The following TCF4 variants were observed in gnomAD, a reference collection of about 807,000 sequenced individuals.
TCF4 encodes the protein SL3-3 enhancer factor 2.
TCF4 carries 3 observed loss-of-function variants against 82.1 expected under a neutral mutation model. That is an observed-to-expected ratio of 0.04 (90% CI 0.02 to 0.09). The LOEUF (loss-of-function observed/expected upper bound fraction) is 0.09, where lower values mean the gene tolerates loss of function less well. TCF4 is among the 10% of genes least tolerant of loss of function. The pLI is 1.00. For missense variants in TCF4, 518 were observed against 852.7 expected (o/e 0.61, Z 4.89); for synonymous variants, 276 against 309.6 (o/e 0.89, Z 1.14).
intron 5 of TCF4, chr18:55,423,423 GCGCGCACACA>G (rs1232701136): frequency 3.2e-5 from 4 of 125,540 alleles, no homozygotes; most frequent in African/African-American, 1.4e-4. Flanking sequence ...GCACACGCGC[GCGCGCACACA>G]CACACACACA....
chr18:55,625,677 TA>T (rs1568505206), intron 2 of TCF4, among the ~76,000 whole-genome samples: 2 of 152,086 alleles, frequency 1.3e-5, no homozygotes, highest in African/African-American at 4.8e-5. Flanking sequence ...TTTTCTGATA[TA>T]TTTTTGTAAA....
At chr18:55,501,203 C>T (rs1249902019) in intron 3 of TCF4, among the ~76,000 whole-genome samples, 1 of 152,066 alleles carries the variant, frequency 6.6e-6, no homozygotes. Context: ...TTTTCATGCA[C>T]ATTATCACTT....
At chr18:55,446,619 T>A (rs1484067910) in intron 5 of TCF4, among the ~76,000 whole-genome samples, 2 of 152,100 alleles carry the variant, frequency 1.3e-5, no homozygotes, top group African/African-American at 4.8e-5. Flanking sequence ...ACAAAGAAGT[T>A]TATTATAAGG....
rs2094956060 is a variant in TCF4, at chr18:55,425,829, A to T, written c.305-22311T>A. Among the ~76,000 whole-genome samples, 7 of 152,286 alleles carry T rather than the reference A, an allele frequency of 4.6e-5. No homozygotes were observed. The South Asian group carries it at 1.5e-3, about 32-fold the overall frequency. ...TTGTTACAATGAGCACAACAGGTAA[A>T]TCTTAAACCTGAGGGATAATGATCA... On this transcript the variant is annotated intron_variant, in intron 5 of 19. Coordinates refer to ENST00000354452, the MANE Select transcript of TCF4 (RefSeq NM_001083962.2).
At chr18:55,288,380 A>G (rs1310966774) in intron 8 of TCF4, among the ~76,000 whole-genome samples, 1 of 152,236 alleles carries the variant, frequency 6.6e-6, no homozygotes, top group Non-Finnish European at 1.5e-5. Context: ...TTGCATGATC[A>G]TCCCAATTTT....
chr18:55,539,972 C>T (rs577617510), intron 3 of TCF4, among the ~76,000 whole-genome samples: 8 of 151,936 alleles, frequency 5.3e-5, no homozygotes, highest in Non-Finnish European at 7.4e-5. Context: ...CTTTCAAATG[C>T]TCAATATACG....
intron 8 of TCF4, among the ~76,000 whole-genome samples, chr18:55,288,994 T>C (rs1039833349): frequency 6.6e-6 from 1 of 152,258 alleles, no homozygotes; most frequent in Admixed American, 6.5e-5. Context: ...TTTTTACACC[T>C]GCATTTCTCT....
At chr18:55,392,558 C>T (rs2093218426) in intron 6 of TCF4, among the ~76,000 whole-genome samples, 1 of 151,834 alleles carries the variant, frequency 6.6e-6, no homozygotes, top group African/African-American at 2.4e-5. Context: ...TGACTTGATC[C>T]TATGAAATCA....
intron 3 of TCF4, among the ~76,000 whole-genome samples, chr18:55,572,481 A>G (rs2097482839): frequency 6.6e-6 from 1 of 152,158 alleles, no homozygotes; most frequent in Non-Finnish European, 1.5e-5. Flanking sequence ...AATGTTAGCC[A>G]GGATTTGTAA....
chr18:55,301,747 C>A (rs1471053950), intron 8 of TCF4, among the ~76,000 whole-genome samples: 1 of 119,652 alleles, frequency 8.4e-6, no homozygotes, highest in Non-Finnish European at 1.6e-5. Context: ...TGAGATTCTT[C>A]TTTTGCAAAC....
chr18:55,474,055 T>C (rs2096241869), intron 3 of TCF4, among the ~76,000 whole-genome samples: 1 of 152,222 alleles, frequency 6.6e-6, no homozygotes. Flanking sequence ...AGAGGTAAAT[T>C]AGTATCAAAC....
At chr18:55,592,685 C>T (rs1052919881), upstream of TCF4, among the ~76,000 whole-genome samples, 6 of 152,028 alleles carry the variant, frequency 3.9e-5, no homozygotes, top group Non-Finnish European at 5.9e-5. Flanking sequence ...ACCCCAGGAG[C>T]GAAGAGGAAG....
chr18:55,228,141 G>T, intron 19 of TCF4, 80 bp downstream of exon 19: 2 of 1,560,054 alleles, frequency 1.3e-6, no homozygotes, highest in African/African-American at 1.4e-5. Flanking sequence ...TGTCAATTTG[G>T]GTGAAATTCA....
At chr18:55,621,025 A>G (rs1036520234) in intron 2 of TCF4, among the ~76,000 whole-genome samples, 7 of 152,130 alleles carry the variant, frequency 4.6e-5, no homozygotes, top group East Asian at 1.9e-4. Context: ...GTGATCTGGT[A>G]GTAATACCAG....
At chr18:55,421,537 TG>T (rs2094756672) in intron 5 of TCF4, among the ~76,000 whole-genome samples, 1 of 152,196 alleles carries the variant, frequency 6.6e-6, no homozygotes, top group African/African-American at 2.4e-5. Context: ...AACAGGAAAC[TG>T]CATCTTAGGA....
chr18:55,631,243 T>C, intron 2 of TCF4: 2 of 780,082 alleles, frequency 2.6e-6, no homozygotes, highest in Admixed American at 2.3e-5. Flanking sequence ...AGAGACAGGA[T>C]TTCATCATGT....
upstream of TCF4, chr18:55,589,587 C>CA: frequency 9.6e-7 from 1 of 1,040,882 alleles, no homozygotes; most frequent in Non-Finnish European, 1.2e-6. Flanking sequence ...AAAATGAACA[C>CA]AGGATAGTTA....
intron 3 of TCF4, among the ~76,000 whole-genome samples, chr18:55,547,386 A>G (rs2097216037): frequency 6.6e-6 from 1 of 152,228 alleles, no homozygotes; most frequent in Non-Finnish European, 1.5e-5. Context: ...ACAATAAAAC[A>G]TTCTGATGGG....
intron 3 of TCF4, among the ~76,000 whole-genome samples, chr18:55,569,212 CA>C (rs139870092): frequency 0.65 from 83,441 of 129,100 alleles, 24,127 homozygotes; most frequent in Admixed American, 0.73. Flanking sequence ...ACAGTAAAGA[CA>C]AAAAAAAAAA....
Sources: allele counts gnomAD v4.1 joint callset (sites outside exome capture counted in the v4.1 genomes callset), GRCh38; gene constraint gnomAD v4.1.1; transcripts MANE v1.5; gene names NCBI Gene and HGNC (gene_info 2026-07-23, HGNC 2026-07-21).